The following NDUFB5 variants were observed in gnomAD, a reference collection of about 807,000 sequenced individuals.
NDUFB5 encodes NADH:ubiquinone oxidoreductase subunit B5.
In NDUFB5, 19 loss-of-function variants were observed where a neutral mutation model predicts 19.4. The observed-to-expected ratio is 0.98, with a 90% confidence interval of 0.68 to 1.43. The LOEUF is 1.43. NDUFB5 is among the 40% of genes most tolerant of loss of function. The pLI is 0.00. For missense variants in NDUFB5, 233 were observed against 236.5 expected, an observed-to-expected ratio of 0.99 and a Z score of 0.10; for synonymous variants, 80 against 82.6, an observed-to-expected ratio of 0.97 and a Z score of 0.17.
Position 179,627,400 on chromosome 3 carries a change from A to C in NDUFB5, c.*3360A>C, listed in dbSNP as rs1719697695. ...TCCCTAGCTGTGCAGCTGCAAGGTC[A>C]CTAGACAGATAAACTCAAGTCGCAA... On this transcript the variant is annotated 3_prime_UTR_variant, in exon 6 of 6. Transcript: ENST00000259037. 1 of 152,238 alleles carries C rather than the reference A, an allele frequency of 6.6e-6. No homozygotes were observed. Among genetic ancestry groups the C allele is most frequent in the Non-Finnish European group, 1.5e-5 (1 of 68,044 alleles). The allele number at this position is 152,238 out of a possible 1,614,324, so 9.4% of individuals were successfully genotyped here.
intron 5 of NDUFB5, among the ~76,000 whole-genome samples, chr3:179,620,629 G>A (rs141623852): frequency 0.011 from 1,669 of 152,152 alleles, 26 homozygotes; most frequent in African/African-American, 0.038. Context: ...GTCAGGTAGC[G>A]TGATGCCTCC....
At chr3:179,623,121 A>G (rs1225747429) in intron 5 of NDUFB5, among the ~76,000 whole-genome samples, 5 of 152,068 alleles carry the variant, frequency 3.3e-5, no homozygotes, top group Non-Finnish European at 5.9e-5. Flanking sequence ...AACCAGTTCT[A>G]CTCTCGAAAA....
chr3:179,605,052 C>A, intron 1 of NDUFB5, 113 bp downstream of exon 1: 1 of 1,377,798 alleles, frequency 7.3e-7, no homozygotes, highest in Non-Finnish European at 9.5e-7. Flanking sequence ...AAGTTGTGGG[C>A]TTGGGGCTTG....
At chr3:179,607,679 A>C (rs28613162) in intron 1 of NDUFB5, 1 of 688,586 alleles carries the variant, frequency 1.5e-6, no homozygotes, top group Non-Finnish European at 2.6e-6. Context: ...CCATCATCCA[A>C]CTCCAGAACT....
intron 5 of NDUFB5, among the ~76,000 whole-genome samples, chr3:179,623,436 G>T (rs1007517362): frequency 2.0e-4 from 30 of 152,080 alleles, no homozygotes; most frequent in African/African-American, 6.8e-4. Flanking sequence ...ACTTTGGGAG[G>T]CCAAGGCAGG....
At chr3:179,613,770 A>G (rs977433921) in intron 1 of NDUFB5, among the ~76,000 whole-genome samples, 1 of 152,220 alleles carries the variant, frequency 6.6e-6, no homozygotes, top group Non-Finnish European at 1.5e-5. Context: ...TACCAAAATT[A>G]AGAAGATAGT....
intron 5 of NDUFB5, 24 bp from the exon 6 acceptor site, chr3:179,623,896 A>G (rs752648664): frequency 8.7e-6 from 14 of 1,612,854 alleles, no homozygotes; most frequent in South Asian, 1.1e-5. Flanking sequence ...TGGAATCTCA[A>G]TATTGCTGTT....
At chr3:179,610,368 C>T (rs1010160358) in intron 1 of NDUFB5, among the ~76,000 whole-genome samples, 4 of 152,164 alleles carry the variant, frequency 2.6e-5, no homozygotes, top group Non-Finnish European at 5.9e-5. Context: ...GCTGGGATTA[C>T]AGGAATGAGC....
chr3:179,625,575 ATATAAG>A lies in NDUFB5; in HGVS notation c.*1540_*1545del, dbSNP rs143457973. ...ATAAGATATAGCAAGTTAGAAGTAT[ATATAAG>A]TATATTATTATATGTTATTGTTAAC... On this transcript the variant is annotated 3_prime_UTR_variant, in exon 6 of 6. Coordinates refer to ENST00000259037, the MANE Select transcript of NDUFB5 (RefSeq NM_002492.4). The A allele has an allele frequency of 3.3e-5, 5 of 152,298 alleles. No individual in the cohort carries two copies. Among genetic ancestry groups the A allele is most frequent in the African/African-American group, 9.6e-5 (4 of 41,568 alleles). 9.4% of individuals were successfully genotyped at this position (152,298 alleles called of 1,614,324 possible).
chr3:179,624,054 C>A lies in NDUFB5; in HGVS notation c.*14C>A. ...CCTGACAATTAAGCATTTTTTTCTC[C>A]AAATACAAAGTATATTCTCTTTATT... On this transcript the variant is annotated 3_prime_UTR_variant, in exon 6 of 6. Coordinates refer to ENST00000259037, the MANE Select transcript of NDUFB5 (RefSeq NM_002492.4). 2 of 1,607,040 alleles carry A rather than the reference C, an allele frequency of 1.2e-6. No individual in the cohort carries two copies. The highest frequency in any genetic ancestry group is 1.7e-6 in the Non-Finnish European group (2 of 1,174,468).
intron 4 of NDUFB5, among the ~76,000 whole-genome samples, chr3:179,617,569 T>C (rs1242446522): frequency 2.0e-5 from 3 of 152,208 alleles, no homozygotes; most frequent in Admixed American, 1.3e-4. Context: ...TAAAGAATGA[T>C]TGCAGTGTGT....
At chr3:179,608,253 G>A (rs1011194487) in intron 1 of NDUFB5, among the ~76,000 whole-genome samples, 2 of 151,776 alleles carry the variant, frequency 1.3e-5, no homozygotes, top group African/African-American at 2.4e-5. Context: ...GCAGTGGCGC[G>A]ATCTTGGCTC....
At chr3:179,616,098 T>G (rs1251783910) in intron 3 of NDUFB5, 49 bp downstream of exon 3, 2 of 1,328,026 alleles carry the variant, frequency 1.5e-6, no homozygotes, top group South Asian at 2.4e-5. Flanking sequence ...GAAAAATTTT[T>G]AAACATATGT....
intron 1 of NDUFB5, among the ~76,000 whole-genome samples, chr3:179,612,851 T>A (rs1470965040): frequency 6.6e-6 from 1 of 152,222 alleles, no homozygotes; most frequent in Non-Finnish European, 1.5e-5. Context: ...GAAAATAGAT[T>A]GTCCCTCTAA....
intron 3 of NDUFB5, 86 bp from the exon 4 acceptor site, chr3:179,616,897 G>T: frequency 1.0e-6 from 1 of 968,706 alleles, no homozygotes; most frequent in Non-Finnish European, 1.6e-6. Flanking sequence ...AAAACCACAA[G>T]AAGTTGGTTT....
Position 179,612,519 on chromosome 3 carries a change from A to G in NDUFB5, c.125-2452A>G, listed in dbSNP as rs373921013. The stretch of plus-strand genomic sequence containing the variant: ...TTGAGACAGAGTCTCACTCTCGCCC[A>G]GGTTGGAGTGCAGTGGCGCGATCTA... On this transcript the variant is annotated intron_variant, in intron 1 of 5. Transcript: ENST00000259037. 6.0e-3 allele frequency among the ~76,000 whole-genome samples: 761 copies of G among 126,166 alleles called. 9 individuals are homozygous for G. Among genetic ancestry groups the G allele is most frequent in the African/African-American group, 0.022 (716 of 32,346 alleles). The allele number at this position is 126,166 out of a possible 152,430, so 82.8% of individuals were successfully genotyped here. A position where few individuals can be genotyped will look rare whatever the true frequency, so the allele number is the denominator to read the frequency against.
At chr3:179,615,268 A>C in intron 2 of NDUFB5, 1 of 353,482 alleles carries the variant, frequency 2.8e-6, no homozygotes, top group Non-Finnish European at 5.3e-6. Flanking sequence ...AAAAGGATTT[A>C]CACTAAATGG....
rs1288972562 is a variant in NDUFB5 at position 179,624,100 on chromosome 3, T to C, written c.*60T>C. On this transcript the variant is annotated 3_prime_UTR_variant, in exon 6 of 6. Coordinates refer to ENST00000259037, the MANE Select transcript of NDUFB5 (RefSeq NM_002492.4). The stretch of plus-strand genomic sequence containing the variant: ...TTATTGGAAAATAAATTAATAAATA[T>C]ATTCTGTATTTTTGCTCTCCGTGAA... 7.6e-6 allele frequency: 11 copies of C among 1,452,726 alleles called. No homozygotes were observed. Among genetic ancestry groups the C allele is most frequent in the Non-Finnish European group, 9.3e-6 (10 of 1,072,914 alleles). The allele number at this position is 1,452,726 out of a possible 1,614,324, so 90.0% of individuals were successfully genotyped here.
At chr3:179,612,720 C>T (rs532683580) in intron 1 of NDUFB5, among the ~76,000 whole-genome samples, 78 of 151,972 alleles carry the variant, frequency 5.1e-4, no homozygotes, top group African/African-American at 1.8e-3. Context: ...TCGTGAGCCG[C>T]CCGCCTCGGC....
Sources: allele counts gnomAD v4.1 joint callset (sites outside exome capture counted in the v4.1 genomes callset), GRCh38; gene constraint gnomAD v4.1.1; transcripts MANE v1.5; gene names NCBI Gene and HGNC (gene_info 2026-07-23, HGNC 2026-07-21).